Variants in SCN11A observed in about 807,000 individuals in gnomAD.
The protein encoded by SCN11A is sodium voltage-gated channel alpha subunit 11.
A neutral mutation model predicts 162.2 loss-of-function variants in SCN11A; 122 were observed. That is an observed-to-expected ratio of 0.75 (90% CI 0.65 to 0.87). SCN11A has a LOEUF of 0.87. Among genes scored for constraint, SCN11A ranks in the 40% least tolerant of loss-of-function variants. The pLI is 0.00. For missense variants in SCN11A, 2,015 were observed against 2,181.6 expected (o/e 0.92, Z 1.52); for synonymous variants, 758 against 751.5 (o/e 1.01, Z -0.14).
chr3:38,935,300 C>A (rs894017109), intron 7 of SCN11A, among the ~76,000 whole-genome samples: 2 of 152,008 alleles, frequency 1.3e-5, no homozygotes, highest in Admixed American at 1.3e-4. Context: ...GACACCCTAA[C>A]ATCACAATTA....
intron 14 of SCN11A, 52 bp downstream of exon 14, chr3:38,907,897 C>T: frequency 6.8e-7 from 1 of 1,462,910 alleles, no homozygotes; most frequent in Non-Finnish European, 9.2e-7. Context: ...GCAATTGGAC[C>T]TGTCCCCCTG....
intron 2 of SCN11A, among the ~76,000 whole-genome samples, chr3:38,997,337 T>C (rs2030675263): frequency 6.6e-6 from 1 of 152,160 alleles, no homozygotes; most frequent in East Asian, 1.9e-4. Flanking sequence ...GCCCTGGCCA[T>C]CCCCCTTTGC....
intron 7 of SCN11A, among the ~76,000 whole-genome samples, chr3:38,937,823 G>A (rs1461376726): frequency 3.3e-5 from 5 of 152,206 alleles, no homozygotes; most frequent in African/African-American, 7.2e-5. Flanking sequence ...TCAGTGTGGC[G>A]ATTCCTCGGG....
Position 38,879,987 on chromosome 3 carries a change from G to C in SCN11A, c.3356C>G (p.Thr1119Ser). ...WVAFGFGKYF[T>S]SAWCCLDFII... The stretch of plus-strand genomic sequence containing the variant: ...GAAATCAAGGCAGCACCAGGCACTG[G>C]TGAAATACTTTCCAAATCCGAAGGC... Residue 1119 changes from threonine (T) to serine (S), a missense_variant, in exon 23 of 30, where the codon ACC becomes AGC. Physicochemically the swap from Thr to Ser is moderately conservative, Grantham distance 58. Coordinates refer to ENST00000302328, the MANE Select transcript of SCN11A (RefSeq NM_001349253.2). The C allele has an allele frequency of 6.2e-7, 1 of 1,613,130 alleles. No individual in the cohort carries two copies. Among genetic ancestry groups the C allele is most frequent in the East Asian group, 2.2e-5 (1 of 44,846 alleles).
chr3:38,987,035 G>A (rs2030271787), intron 2 of SCN11A, among the ~76,000 whole-genome samples: 2 of 152,182 alleles, frequency 1.3e-5, no homozygotes, highest in Admixed American at 6.5e-5. Flanking sequence ...GAAACACAAG[G>A]CTCTGCCTAC....
intron 2 of SCN11A, among the ~76,000 whole-genome samples, chr3:39,009,431 T>C (rs933116721): frequency 1.3e-4 from 19 of 151,358 alleles, no homozygotes; most frequent in African/African-American, 4.1e-4. Context: ...TATACATATA[T>C]ATATAAAGCT....
At chr3:38,858,721 C>A (rs1221789430) in intron 28 of SCN11A, among the ~76,000 whole-genome samples, 2 of 152,116 alleles carry the variant, frequency 1.3e-5, no homozygotes, top group Admixed American at 1.3e-4. Flanking sequence ...TTCTATTCAT[C>A]AGCACATGGA....
At chr3:38,950,483 T>C (rs1393539542) in intron 4 of SCN11A, 114 bp from the exon 5 acceptor site, 12 of 1,086,028 alleles carry the variant, frequency 1.1e-5, no homozygotes, top group Non-Finnish European at 2.7e-6. Context: ...CTACAAAAGC[T>C]GAGCTGAGGT....
At position 38,855,993 on chromosome 3, in the gene SCN11A, G is replaced by A. The variant is rs1050513963; in HGVS notation, c.4057-5242C>T. The stretch of plus-strand genomic sequence containing the variant: ...AATACTGCAGTCTGGCTTTCAGGAA[G>A]CCCCATCCCTAGGGAAGGGGGAGTG... On this transcript the variant is annotated intron_variant, in intron 28 of 29. Transcript: ENST00000302328. 3.3e-5 allele frequency among the ~76,000 whole-genome samples: 5 copies of A among 152,318 alleles called. No homozygotes were observed. The East Asian group carries it at 5.8e-4, about 18-fold the overall frequency.
At chr3:38,928,742 A>G (rs2066184489) in intron 7 of SCN11A, among the ~76,000 whole-genome samples, 2 of 152,182 alleles carry the variant, frequency 1.3e-5, no homozygotes, top group Non-Finnish European at 2.9e-5. Flanking sequence ...AGATGACCTC[A>G]TGCCCATTAG....
intron 28 of SCN11A, among the ~76,000 whole-genome samples, chr3:38,851,755 C>A (rs928751923): frequency 6.6e-6 from 1 of 152,182 alleles, no homozygotes; most frequent in Non-Finnish European, 1.5e-5. Context: ...AAGAATACAT[C>A]TTTAGACACC....
chr3:38,944,223 T>C (rs1370379302), intron 7 of SCN11A, among the ~76,000 whole-genome samples: 4 of 152,246 alleles, frequency 2.6e-5, no homozygotes, highest in African/African-American at 9.6e-5. Flanking sequence ...TAATTGGTTA[T>C]TAGAATACAC....
intron 1 of SCN11A, among the ~76,000 whole-genome samples, chr3:39,037,472 G>A (rs1455460806): frequency 6.6e-6 from 1 of 152,118 alleles, no homozygotes; most frequent in East Asian, 1.9e-4. Context: ...GAATAACTAA[G>A]GGAGTACAAT....
intron 2 of SCN11A, among the ~76,000 whole-genome samples, chr3:38,970,186 C>T (rs1015501702): frequency 5.3e-5 from 8 of 152,164 alleles, no homozygotes; most frequent in Non-Finnish European, 8.8e-5. Flanking sequence ...CTCTCTTGGC[C>T]TTCTAACCCT....
rs114843596 is a variant in SCN11A, at chr3:38,925,353, T to C, written c.712+62A>G. The C allele has an allele frequency of 3.2e-3, 3,767 of 1,170,062 alleles. 92 individuals are homozygous for C. In the African/African-American group the frequency reaches 0.048, roughly 15 times the overall value. 72.5% of individuals were successfully genotyped at this position (1,170,062 alleles called of 1,614,324 possible). A position where few individuals can be genotyped will look rare whatever the true frequency, so the allele number is the denominator to read the frequency against. ...TTTACATGATGACATTTTGAAAAAA[T>C]TTAAATATAAATTAACATTCTTTCT... On this transcript the variant is annotated intron_variant, in intron 9 of 29. Coordinates refer to ENST00000302328, the MANE Select transcript of SCN11A (RefSeq NM_001349253.2).
Position 38,926,902 on chromosome 3 carries a change from T to C in SCN11A, c.518A>G (p.Glu173Gly). ...ECVFTGIYIF[E>G]ALIKILARGF... is the part of the protein sequence containing the mutation. Reference sequence around the variant, plus strand: ...TCTTGCCAATATTTTAATCAAAGCTTCAAAAATATAAATCCCAGTGAAGAC... The same window carrying C: ...TCTTGCCAATATTTTAATCAAAGCTCCAAAAATATAAATCCCAGTGAAGAC... The change falls in exon 8 of 30, where the codon GAA becomes GGA. Residue 173 changes from glutamate (E) to glycine (G), a missense_variant. Physicochemically the swap from Glu to Gly is moderately conservative, Grantham distance 98. Transcript: ENST00000302328. The C allele has an allele frequency of 6.2e-7, 1 of 1,613,000 alleles. No individual in the cohort carries two copies. Among genetic ancestry groups the C allele is most frequent in the Non-Finnish European group, 8.5e-7 (1 of 1,179,100 alleles).
At chr3:38,921,292 C>T in intron 9 of SCN11A, 37 bp from the exon 10 acceptor site, 1 of 1,597,076 alleles carries the variant, frequency 6.3e-7, no homozygotes, top group Non-Finnish European at 8.6e-7. Context: ...AAGCCCATCC[C>T]CCTCAGCCAG....
At chr3:39,004,806 T>C (rs2125600006) in intron 2 of SCN11A, among the ~76,000 whole-genome samples, 1 of 152,334 alleles carries the variant, frequency 6.6e-6, no homozygotes. Context: ...TTTTTTTCTT[T>C]CCACTCTTCA....
At chr3:38,976,691 TG>T (rs2066851917) in intron 2 of SCN11A, among the ~76,000 whole-genome samples, 1 of 152,188 alleles carries the variant, frequency 6.6e-6, no homozygotes, top group Non-Finnish European at 1.5e-5. Flanking sequence ...AGCAGTTCTT[TG>T]GTCACCCCAC....
Sources: allele counts gnomAD v4.1 joint callset (sites outside exome capture counted in the v4.1 genomes callset), GRCh38; gene constraint gnomAD v4.1.1; transcripts MANE v1.5; gene names NCBI Gene and HGNC (gene_info 2026-07-23, HGNC 2026-07-21).